Variants in ZNF536 observed in about 807,000 individuals in gnomAD.
The protein encoded by ZNF536 is zinc finger protein 536.
In ZNF536, 13 loss-of-function variants were observed where a neutral mutation model predicts 84.5. The ratio of observed to expected loss-of-function variants is 0.15; its 90% CI spans 0.10 to 0.24. The LOEUF (loss-of-function observed/expected upper bound fraction) is 0.24, where lower values mean the gene tolerates loss of function less well. Among genes scored for constraint, ZNF536 ranks in the 10% least tolerant of loss-of-function variants. The pLI is 1.00. For synonymous variants in ZNF536, 811 were observed against 742.5 expected (o/e 1.09, Z -1.50); for missense variants, 1,536 against 1,747.5 (o/e 0.88, Z 2.16).
intron 1 of ZNF536, among the ~76,000 whole-genome samples, chr19:30,431,671 T>C (rs2051465301): frequency 6.6e-6 from 1 of 152,320 alleles, no homozygotes; most frequent in Non-Finnish European, 1.5e-5. Context: ...AGTGCTCAAA[T>C]GTAAACGGCT....
At chr19:30,232,722 G>A (rs2023160765) in intron 1 of ZNF536, among the ~76,000 whole-genome samples, 1 of 152,200 alleles carries the variant, frequency 6.6e-6, no homozygotes, top group South Asian at 2.1e-4. Flanking sequence ...ACAAGATTCA[G>A]ATGAGAGTGA....
intron 1 of ZNF536, among the ~76,000 whole-genome samples, chr19:30,621,160 G>GA (rs1387090743): frequency 6.6e-6 from 1 of 151,910 alleles, no homozygotes; most frequent in Non-Finnish European, 1.5e-5. Context: ...GCTTGGCAGG[G>GA]AAGGGGCAGG....
At chr19:30,477,247 G>A (rs1015029656) in intron 2 of ZNF536, among the ~76,000 whole-genome samples, 3 of 152,074 alleles carry the variant, frequency 2.0e-5, no homozygotes, top group African/African-American at 7.2e-5. Context: ...CCATTGTACT[G>A]ACACGTTCTC....
chr19:30,409,009 T>C (rs893296842), intron 1 of ZNF536, among the ~76,000 whole-genome samples: 4 of 145,358 alleles, frequency 2.8e-5, no homozygotes, highest in South Asian at 2.1e-4. Context: ...CATTGGTCCA[T>C]CCATCCATCC....
upstream of ZNF536, among the ~76,000 whole-genome samples, chr19:30,367,798 G>A (rs955625436): frequency 2.6e-5 from 4 of 152,182 alleles, no homozygotes; most frequent in African/African-American, 9.6e-5. Context: ...GAATGACACC[G>A]ATGAGTAGAG....
intron 1 of ZNF536, among the ~76,000 whole-genome samples, chr19:30,586,529 T>C (rs2047101768): frequency 6.6e-6 from 1 of 152,238 alleles, no homozygotes; most frequent in Non-Finnish European, 1.5e-5. Context: ...CTTCCTTCCT[T>C]CTTTTTCTGC....
intron 2 of ZNF536, among the ~76,000 whole-genome samples, chr19:30,352,038 C>T (rs1437140688): frequency 6.6e-6 from 1 of 152,198 alleles, no homozygotes; most frequent in African/African-American, 2.4e-5. Flanking sequence ...GCTGCTTCTC[C>T]TCTCCTCTTT....
At chr19:30,243,974 C>T (rs2024106599) in intron 1 of ZNF536, among the ~76,000 whole-genome samples, 1 of 152,094 alleles carries the variant, frequency 6.6e-6, no homozygotes, top group South Asian at 2.1e-4. Flanking sequence ...TATACTTTTT[C>T]CTATATATAT....
chr19:30,447,653 T>C (rs1164769051), intron 2 of ZNF536, among the ~76,000 whole-genome samples: 1 of 152,230 alleles, frequency 6.6e-6, no homozygotes, highest in Non-Finnish European at 1.5e-5. Flanking sequence ...GATAGATCCC[T>C]ACTTGAGAGG....
intron 2 of ZNF536, among the ~76,000 whole-genome samples, chr19:30,338,992 A>AT (rs2047477399): frequency 6.6e-6 from 1 of 152,038 alleles, no homozygotes; most frequent in Admixed American, 6.6e-5. Context: ...TCTTCCCTCC[A>AT]TGTCAGCTTG....
intron 2 of ZNF536, among the ~76,000 whole-genome samples, chr19:30,533,555 C>T (rs912878949): frequency 6.6e-6 from 1 of 152,026 alleles, no homozygotes; most frequent in African/African-American, 2.4e-5. Flanking sequence ...TGTTGTCCTT[C>T]ATCTTTCTCA....
At chr19:30,407,552 A>G (rs1009953690) in intron 1 of ZNF536, among the ~76,000 whole-genome samples, 3 of 152,196 alleles carry the variant, frequency 2.0e-5, no homozygotes, top group Admixed American at 1.3e-4. Context: ...CCGGGGCCTC[A>G]CGAACTTCTG....
chr19:30,480,548 T>A (rs528541087), intron 2 of ZNF536, among the ~76,000 whole-genome samples: 2,012 of 151,374 alleles, frequency 0.013, 22 homozygotes, highest in Non-Finnish European at 0.019. Context: ...GGGCCTGTCG[T>A]GGGGTAGGGG....
intron 3 of ZNF536, among the ~76,000 whole-genome samples, chr19:30,544,161 A>C (rs1363538035): frequency 6.6e-6 from 1 of 152,198 alleles, no homozygotes; most frequent in Non-Finnish European, 1.5e-5. Flanking sequence ...TAACTGAGGA[A>C]CTGGGATGAT....
intron 1 of ZNF536, among the ~76,000 whole-genome samples, chr19:30,392,428 G>T (rs1182650653): frequency 6.6e-6 from 1 of 152,212 alleles, no homozygotes. Context: ...GGTAGCCAGA[G>T]AAGGGTTGGA....
chr19:30,597,862 G>A (rs2047521332), intron 1 of ZNF536, among the ~76,000 whole-genome samples: 1 of 151,474 alleles, frequency 6.6e-6, no homozygotes, highest in Admixed American at 6.5e-5. Context: ...TATGCATGTT[G>A]TTATTGATAT....
intron 2 of ZNF536, among the ~76,000 whole-genome samples, chr19:30,458,810 G>T (rs996975111): frequency 1.3e-5 from 2 of 152,136 alleles, no homozygotes; most frequent in African/African-American, 2.4e-5. Flanking sequence ...GGACCCATGT[G>T]CCTGGTGAGG....
At chr19:30,582,842 TC>T (rs2046970837) in intron 1 of ZNF536, among the ~76,000 whole-genome samples, 1 of 152,044 alleles carries the variant, frequency 6.6e-6, no homozygotes, top group Non-Finnish European at 1.5e-5. Flanking sequence ...GGGGAAACCA[TC>T]CCCATGATTC....
At chr19:30,321,059 C>T (rs2046839302) in intron 2 of ZNF536, among the ~76,000 whole-genome samples, 1 of 152,206 alleles carries the variant, frequency 6.6e-6, no homozygotes, top group Non-Finnish European at 1.5e-5. Context: ...CGTGGGGCCC[C>T]CTCGCAGGCT....
Sources: allele counts gnomAD v4.1 joint callset (sites outside exome capture counted in the v4.1 genomes callset), GRCh38; gene constraint gnomAD v4.1.1; transcripts MANE v1.5; gene names NCBI Gene and HGNC (gene_info 2026-07-23, HGNC 2026-07-21).